The following DPYD variants were observed in gnomAD, a reference collection of about 807,000 sequenced individuals.
DPYD encodes the protein dihydropyrimidine dehydrogenase, also known as dihydropyrimidine dehydrogenase [NADP(+)].
A neutral mutation model predicts 116.2 loss-of-function variants in DPYD; 109 were observed. That is an observed-to-expected ratio of 0.94 (90% CI 0.80 to 1.10). The LOEUF is 1.10. Among genes scored for constraint, DPYD ranks in the 50% least tolerant of loss-of-function variants. DPYD has a pLI of 0.00. For synonymous variants in DPYD, 440 were observed against 432.0 expected (o/e 1.02, Z -0.23); for missense variants, 1,302 against 1,254.5 (o/e 1.04, Z -0.57).
At chr1:97,463,950 TCAACCTAGCTGGGC>T in intron 13 of DPYD, among the ~76,000 whole-genome samples, 2 of 152,224 alleles carry the variant, frequency 1.3e-5, no homozygotes, top group Middle Eastern at 6.8e-3. Context: ...TAGAAAATTT[TCAACCTAGCTGGGC>T]ATGGTGGCTC....
chr1:97,806,301 T>A (rs1053354779), intron 3 of DPYD, among the ~76,000 whole-genome samples: 7 of 151,858 alleles, frequency 4.6e-5, no homozygotes, highest in Admixed American at 2.6e-4. Flanking sequence ...TTGTTTCACA[T>A]CTTCACCAAA....
chr1:97,662,707 T>G (rs546994181), intron 8 of DPYD, among the ~76,000 whole-genome samples: 2 of 152,258 alleles, frequency 1.3e-5, no homozygotes, highest in South Asian at 2.1e-4. Context: ...TTTGCCCTAT[T>G]ATCATGAAAA....
At chr1:97,719,984 A>G in intron 5 of DPYD, 4 of 985,000 alleles carry the variant, frequency 4.1e-6, no homozygotes, top group Non-Finnish European at 4.8e-6. Context: ...TTTCTAATAA[A>G]TTCTGTTCTG....
chr1:97,431,634 A>C (rs573942329), intron 14 of DPYD, among the ~76,000 whole-genome samples: 21 of 152,268 alleles, frequency 1.4e-4, no homozygotes, highest in African/African-American at 5.1e-4. Context: ...ACAAGCATAC[A>C]ATGTGTAATG....
chr1:97,098,039 A>C (rs1320498969), intron 21 of DPYD, among the ~76,000 whole-genome samples: 3 of 152,124 alleles, frequency 2.0e-5, no homozygotes, highest in Admixed American at 6.6e-5. Context: ...GACCCAAATA[A>C]ATGTCCAGGC....
At chr1:97,123,399 T>C (rs1269315822) in intron 20 of DPYD, among the ~76,000 whole-genome samples, 1 of 152,118 alleles carries the variant, frequency 6.6e-6, no homozygotes, top group East Asian at 1.9e-4. Flanking sequence ...ATTGGTATTA[T>C]GCTATCAAAT....
At chr1:97,198,864 A>T (rs1282352351) in intron 19 of DPYD, among the ~76,000 whole-genome samples, 3 of 152,114 alleles carry the variant, frequency 2.0e-5, no homozygotes. Flanking sequence ...AGGCCCCTAG[A>T]TTCTCAGCAG....
chr1:97,900,459 T>C (rs1673311025), intron 1 of DPYD, among the ~76,000 whole-genome samples: 1 of 151,846 alleles, frequency 6.6e-6, no homozygotes, highest in Non-Finnish European at 1.5e-5. Flanking sequence ...CCAGGGTGCA[T>C]GGAAACTTCA....
At chr1:97,606,681 T>C (rs796152569) in intron 8 of DPYD, among the ~76,000 whole-genome samples, 1 of 151,956 alleles carries the variant, frequency 6.6e-6, no homozygotes, top group African/African-American at 2.4e-5. Context: ...GATTTTACAC[T>C]GAGGAAACAT....
intron 13 of DPYD, among the ~76,000 whole-genome samples, chr1:97,463,018 A>T (rs1677109123): frequency 6.6e-6 from 1 of 152,114 alleles, no homozygotes; most frequent in South Asian, 2.1e-4. Context: ...ACCAACTTCC[A>T]ATTGGAAAAT....
At chr1:97,230,021 A>G (rs1220458463) in intron 19 of DPYD, among the ~76,000 whole-genome samples, 3 of 152,174 alleles carry the variant, frequency 2.0e-5, no homozygotes, top group Admixed American at 1.3e-4. Flanking sequence ...AAAATTTACT[A>G]TATTTCTGTT....
intron 12 of DPYD, among the ~76,000 whole-genome samples, chr1:97,539,800 A>G (rs1650289891): frequency 6.6e-6 from 1 of 152,148 alleles, no homozygotes; most frequent in African/African-American, 2.4e-5. Context: ...CTGATCTGGG[A>G]TTATAATTTA....
At chr1:97,107,089 C>T (rs1651221779) in intron 20 of DPYD, among the ~76,000 whole-genome samples, 1 of 152,108 alleles carries the variant, frequency 6.6e-6, no homozygotes, top group Non-Finnish European at 1.5e-5. Context: ...TCTTCACTCC[C>T]ACACTGCCTG....
intron 12 of DPYD, among the ~76,000 whole-genome samples, chr1:97,539,901 T>C (rs1650296624): frequency 6.6e-6 from 1 of 152,150 alleles, no homozygotes; most frequent in Non-Finnish European, 1.5e-5. Flanking sequence ...TTCTCTCCAC[T>C]TTTTGCAACC....
At chr1:97,419,624 A>G (rs1050631907) in intron 14 of DPYD, among the ~76,000 whole-genome samples, 10 of 152,200 alleles carry the variant, frequency 6.6e-5, no homozygotes, top group Non-Finnish European at 1.5e-4. Flanking sequence ...CCTTTTCCAC[A>G]TATGTGAACA....
intron 14 of DPYD, among the ~76,000 whole-genome samples, chr1:97,415,597 C>T (rs1674247956): frequency 6.6e-6 from 1 of 152,222 alleles, no homozygotes; most frequent in Admixed American, 6.5e-5. Flanking sequence ...GCTGGGACTA[C>T]AGGCGTGAGC....
At chr1:97,840,471 G>C (rs1669985737) in intron 2 of DPYD, among the ~76,000 whole-genome samples, 1 of 151,918 alleles carries the variant, frequency 6.6e-6, no homozygotes, top group Non-Finnish European at 1.5e-5. Context: ...GTATTTTTCT[G>C]GGATTAAAGG....
At chr1:97,804,859 G>C (rs1668008914) in intron 3 of DPYD, among the ~76,000 whole-genome samples, 1 of 151,770 alleles carries the variant, frequency 6.6e-6, no homozygotes, top group South Asian at 2.1e-4. Flanking sequence ...TATTTAACTA[G>C]ACCAATTAAT....
At chr1:97,652,584 G>C (rs1012577089) in intron 8 of DPYD, among the ~76,000 whole-genome samples, 3 of 152,062 alleles carry the variant, frequency 2.0e-5, no homozygotes, top group Non-Finnish European at 4.4e-5. Context: ...GAGTAAATAA[G>C]AAAAGCTAAA....
Sources: allele counts gnomAD v4.1 joint callset (sites outside exome capture counted in the v4.1 genomes callset), GRCh38; gene constraint gnomAD v4.1.1; transcripts MANE v1.5; gene names NCBI Gene and HGNC (gene_info 2026-07-23, HGNC 2026-07-21).